The following LTBP1 variants were observed in gnomAD, a reference collection of about 807,000 sequenced individuals.
The protein encoded by LTBP1 is latent transforming growth factor beta binding protein 1, also known as latent-transforming growth factor beta-binding protein 1.
A neutral mutation model predicts 207.6 loss-of-function variants in LTBP1; 129 were observed. The observed-to-expected ratio is 0.62, with a 90% CI of 0.54 to 0.72. LTBP1 has a LOEUF of 0.72. LTBP1 is among the 30% of genes least tolerant of loss of function. LTBP1 has a pLI of 0.00. For missense variants in LTBP1, 2,281 were observed against 2,217.2 expected, an observed-to-expected ratio of 1.03 and a Z score of -0.58; for synonymous variants, 963 against 833.7, an observed-to-expected ratio of 1.16 and a Z score of -2.67.
intron 5 of LTBP1, among the ~76,000 whole-genome samples, chr2:33,148,764 C>G (rs944601919): frequency 6.6e-6 from 1 of 152,216 alleles, no homozygotes; most frequent in Admixed American, 6.5e-5. Context: ...AACTGTTTGT[C>G]TGTCAAATAG....
intron 7 of LTBP1, among the ~76,000 whole-genome samples, chr2:33,211,454 G>C (rs2090304670): frequency 6.6e-6 from 1 of 152,184 alleles, no homozygotes; most frequent in South Asian, 2.1e-4. Flanking sequence ...TCTGGGATTG[G>C]ACAAGCATCA....
At chr2:32,961,945 C>CAA (rs34607490) in intron 2 of LTBP1, among the ~76,000 whole-genome samples, 1,127 of 98,368 alleles carry the variant, frequency 0.011, 6 homozygotes, top group African/African-American at 0.028. Flanking sequence ...AACTCCGTCT[C>CAA]AAAAAAAAAA....
At chr2:33,104,077 G>T (rs1386405244) in intron 3 of LTBP1, among the ~76,000 whole-genome samples, 1 of 152,062 alleles carries the variant, frequency 6.6e-6, no homozygotes, top group African/African-American at 2.4e-5. Context: ...ACTGGAAAGG[G>T]CCTTGTGTTC....
At chr2:33,323,104 A>G (rs112577316) in intron 24 of LTBP1, among the ~76,000 whole-genome samples, 1,567 of 152,286 alleles carry the variant, frequency 0.01, 19 homozygotes, top group African/African-American at 0.036. Flanking sequence ...CATCAAATAC[A>G]CCTAACCTAC....
chr2:33,246,446 C>T (rs1056451243), intron 10 of LTBP1, among the ~76,000 whole-genome samples: 5 of 151,544 alleles, frequency 3.3e-5, no homozygotes, highest in African/African-American at 7.3e-5. Flanking sequence ...AGGGAAATAG[C>T]AGGAGGGGAC....
chr2:33,071,238 C>T (rs440470), intron 3 of LTBP1, among the ~76,000 whole-genome samples: 56,340 of 152,022 alleles, frequency 0.37, 12,063 homozygotes, highest in East Asian at 0.59. Flanking sequence ...TGGCTTTTGG[C>T]GGAAGGCCTC....
intron 3 of LTBP1, among the ~76,000 whole-genome samples, chr2:33,053,163 G>A (rs548279630): frequency 2.1e-3 from 314 of 152,216 alleles, no homozygotes; most frequent in Non-Finnish European, 3.5e-3. Flanking sequence ...AAGCCACCGC[G>A]CCTGGCCTAA....
intron 5 of LTBP1, among the ~76,000 whole-genome samples, chr2:33,150,134 A>G (rs2083390325): frequency 6.6e-6 from 1 of 152,250 alleles, no homozygotes; most frequent in South Asian, 2.1e-4. Flanking sequence ...TTTTGGACCA[A>G]GAAATGGCCC....
intron 7 of LTBP1, among the ~76,000 whole-genome samples, chr2:33,205,879 G>A (rs1348548108): frequency 6.6e-6 from 1 of 152,132 alleles, no homozygotes; most frequent in African/African-American, 2.4e-5. Flanking sequence ...CCACACACTT[G>A]CACAAAGAAG....
intron 3 of LTBP1, among the ~76,000 whole-genome samples, chr2:33,058,567 C>A (rs1438882574): frequency 6.6e-6 from 1 of 152,186 alleles, no homozygotes; most frequent in Non-Finnish European, 1.5e-5. Flanking sequence ...ATGGAATCAC[C>A]AATTTATAAT....
intron 5 of LTBP1, among the ~76,000 whole-genome samples, chr2:33,161,024 T>C (rs1204325323): frequency 6.6e-6 from 1 of 152,182 alleles, no homozygotes; most frequent in Admixed American, 6.5e-5. Context: ...ACTTTGGAGA[T>C]AGCATGGTAG....
At chr2:33,040,693 G>A (rs1040354747) in intron 3 of LTBP1, among the ~76,000 whole-genome samples, 6 of 152,154 alleles carry the variant, frequency 3.9e-5, no homozygotes, top group Admixed American at 6.5e-5. Flanking sequence ...CAGGTATTTT[G>A]CATGCATTAC....
intron 3 of LTBP1, among the ~76,000 whole-genome samples, chr2:33,082,431 ACTTTTTTTT>A (rs1185196404): frequency 0.095 from 11,038 of 115,852 alleles, 1,783 homozygotes; most frequent in Middle Eastern, 0.13. Flanking sequence ...AGTATGACTC[ACTTTTTTTT>A]TTTTTTTTTT....
intron 2 of LTBP1, among the ~76,000 whole-genome samples, chr2:32,953,276 G>A (rs566678591): frequency 2.0e-5 from 3 of 152,298 alleles, no homozygotes; most frequent in East Asian, 3.9e-4. Flanking sequence ...CCTAGAGAAC[G>A]GTCTCAGGCT....
At chr2:33,280,461 C>G (rs190471583) in intron 19 of LTBP1, among the ~76,000 whole-genome samples, 3 of 151,906 alleles carry the variant, frequency 2.0e-5, no homozygotes, top group African/African-American at 7.3e-5. Context: ...AGATGGAGAG[C>G]AAAACACTTA....
rs147473948 is a variant in LTBP1, at chr2:33,357,213, A to G, written c.4001-3384A>G. Among the ~76,000 whole-genome samples, 449 of 152,290 alleles carry G rather than the reference A, an allele frequency of 2.9e-3. 4 individuals carry two copies. Among genetic ancestry groups the G allele is most frequent in the African/African-American group, 0.01 (430 of 41,564 alleles). ...GCCCACACCCTCTTTAGGCTGATGAACCAAGAGAGAAGGAGCTCCCAGACA... is the reference window on the plus strand; with the variant it reads ...GCCCACACCCTCTTTAGGCTGATGAGCCAAGAGAGAAGGAGCTCCCAGACA... On this transcript the variant is annotated intron_variant, in intron 26 of 33. Transcript: ENST00000404816.
chr2:33,041,694 C>T (rs183834396), intron 3 of LTBP1, among the ~76,000 whole-genome samples: 5 of 152,318 alleles, frequency 3.3e-5, no homozygotes, highest in Non-Finnish European at 5.9e-5. Flanking sequence ...TGCTATGTGT[C>T]AACCTTTGTA....
intron 19 of LTBP1, among the ~76,000 whole-genome samples, chr2:33,292,419 C>T (rs971360010): frequency 2.6e-5 from 4 of 152,172 alleles, no homozygotes; most frequent in Admixed American, 6.5e-5. Context: ...TTCTATGTGG[C>T]GTTGGGCTGG....
At chr2:33,162,537 G>A (rs1333189423) in intron 5 of LTBP1, among the ~76,000 whole-genome samples, 1 of 152,146 alleles carries the variant, frequency 6.6e-6, no homozygotes, top group Non-Finnish European at 1.5e-5. Context: ...AAGCTTTCCT[G>A]TTGATTACAC....
Sources: gnomAD v4.1 joint callset for allele counts (sites outside exome capture counted in the v4.1 genomes callset) on GRCh38, gnomAD v4.1.1 for gene constraint, MANE v1.5 for transcripts, NCBI Gene and HGNC (gene_info 2026-07-23, HGNC 2026-07-21) for gene names.